The following COG4 variants were observed in gnomAD, a reference collection of about 807,000 sequenced individuals.
COG4 encodes conserved oligomeric Golgi complex subunit 4.
COG4 carries 65 observed loss-of-function variants against 95.1 expected under a neutral mutation model. The observed-to-expected ratio is 0.68, with a 90% CI of 0.56 to 0.84. The LOEUF (loss-of-function observed/expected upper bound fraction) is 0.84. Ranked by LOEUF, COG4 falls within the 40% of genes least tolerant of loss-of-function variation. The pLI is 0.00. For missense variants in COG4, 1,045 were observed against 989.1 expected (o/e 1.06, Z -0.76); for synonymous variants, 421 against 374.8 (o/e 1.12, Z -1.42).
chr16:70,494,244 C>T (rs1003861812), intron 12 of COG4, among the ~76,000 whole-genome samples: 2 of 152,206 alleles, frequency 1.3e-5, no homozygotes, highest in African/African-American at 4.8e-5. Context: ...CCAAGAATAA[C>T]TGTCATGAGG....
intron 13 of COG4, among the ~76,000 whole-genome samples, chr16:70,489,841 T>A (rs1307927920): frequency 6.6e-6 from 1 of 151,614 alleles, no homozygotes; most frequent in Admixed American, 6.6e-5. Context: ...TATTTTGAGA[T>A]AGAGTCTGCT....
chr16:70,502,265 A>G (rs1348966650), intron 8 of COG4, among the ~76,000 whole-genome samples: 1 of 112,274 alleles, frequency 8.9e-6, no homozygotes, highest in Non-Finnish European at 1.7e-5. Flanking sequence ...CTGGAGACAC[A>G]GCAAGACTCC....
intron 2 of COG4, 89 bp from the exon 3 acceptor site, chr16:70,517,829 C>T: frequency 1.2e-6 from 1 of 801,882 alleles, no homozygotes; most frequent in East Asian, 2.5e-5. Context: ...ATGTCTTCTA[C>T]TTCTTTCATA....
intron 9 of COG4, among the ~76,000 whole-genome samples, chr16:70,499,683 CAG>C (rs1404650972): frequency 3.9e-5 from 6 of 152,220 alleles, no homozygotes; most frequent in African/African-American, 4.8e-5. Context: ...ATTTTTGAGA[CAG>C]AGTCTCGCTT....
At chr16:70,508,754 T>G (rs1287818287) in intron 7 of COG4, 6 of 608,220 alleles carry the variant, frequency 9.9e-6, no homozygotes, top group African/African-American at 1.8e-5. Flanking sequence ...GAAATACAAT[T>G]GTATGAGGCC....
intron 13 of COG4, among the ~76,000 whole-genome samples, chr16:70,487,303 A>T (rs529421340): frequency 2.0e-4 from 31 of 151,764 alleles, no homozygotes; most frequent in African/African-American, 6.8e-4. Flanking sequence ...AAATAAAAAA[A>T]AAAAAAGACA....
chr16:70,507,135 G>T (rs2049595082), intron 8 of COG4, among the ~76,000 whole-genome samples: 1 of 152,140 alleles, frequency 6.6e-6, no homozygotes, highest in East Asian at 1.9e-4. Context: ...CTACTCGGGA[G>T]GCCGAGGTGG....
At chr16:70,491,824 CAAAAAAAAAAA>C (rs772831502) in intron 12 of COG4, among the ~76,000 whole-genome samples, 2 of 59,346 alleles carry the variant, frequency 3.4e-5, no homozygotes, top group South Asian at 7.8e-4. Context: ...AACTACGTCT[CAAAAAAAAAAA>C]AAAAAAAAAA....
Position 70,482,757 on chromosome 16 carries a change from A to G in COG4, c.1892T>C (p.Phe631Ser), listed in dbSNP as rs2049025034. The change falls in exon 15 of 19, where the codon TTT (phenylalanine) becomes TCT (serine). Residue 631 changes from phenylalanine to serine, a missense_variant. By Grantham distance (155) the Phe-to-Ser change is radical. Coordinates refer to ENST00000323786, the MANE Select transcript of COG4 (RefSeq NM_015386.3). The part of the protein sequence containing the change: ...KPQVQPWINS[F>S]FSVSHNIEEE... Reference sequence around the variant, plus strand: ...CTCGATGTTGTGGGAGACGGAGAAAAAGCTGTTGATCCAAGGCTGCACCTG... The same window carrying G: ...CTCGATGTTGTGGGAGACGGAGAAAGAGCTGTTGATCCAAGGCTGCACCTG... 1 of 1,613,616 alleles carries G rather than the reference A, an allele frequency of 6.2e-7. No homozygotes were observed. Among genetic ancestry groups the G allele is most frequent in the South Asian group, 1.1e-5 (1 of 91,064 alleles).
chr16:70,484,658 T>C (rs2049091027), intron 13 of COG4, among the ~76,000 whole-genome samples: 1 of 152,160 alleles, frequency 6.6e-6, no homozygotes, highest in African/African-American at 2.4e-5. Context: ...TCTAGCACTT[T>C]GGGAGGCCAA....
chr16:70,508,303 TATTTTAAAAACATAGACC>T, intron 8 of COG4, 85 bp downstream of exon 8: 1 of 958,134 alleles, frequency 1.0e-6, no homozygotes, highest in South Asian at 1.3e-5. Context: ...ATTGATAAAA[TATTTTAAAAACATAGACC>T]ACATTGTAAC....
chr16:70,497,190 G>A (rs2049356723), intron 11 of COG4, 31 bp downstream of exon 11: 1 of 1,606,496 alleles, frequency 6.2e-7, no homozygotes, highest in South Asian at 1.1e-5. Context: ...GGGCCTTTCT[G>A]CCTAGAAAGG....
chr16:70,499,666 T>C (rs1295200557), intron 9 of COG4, among the ~76,000 whole-genome samples: 1 of 152,160 alleles, frequency 6.6e-6, no homozygotes, highest in Non-Finnish European at 1.5e-5. Context: ...TTTTAAACAA[T>C]TTATTTATTT....
chr16:70,514,325 G>C lies in COG4; in HGVS notation c.544+10C>G, dbSNP rs368963233. 4 of 1,613,934 alleles carry C rather than the reference G, an allele frequency of 2.5e-6. No homozygotes were observed. Among genetic ancestry groups the C allele is most frequent in the Admixed American group, 3.3e-5 (2 of 60,004 alleles). ...AACTAAACTAAAAACCAACAGTTTC[G>C]GATGCTGACCCTCTTTGCCCTGTCG... On this transcript the variant is annotated intron_variant, in intron 4 of 18. Coordinates refer to ENST00000323786, the MANE Select transcript of COG4 (RefSeq NM_015386.3).
At chr16:70,482,008 A>G in intron 16 of COG4, 84 bp downstream of exon 16, 1 of 1,383,886 alleles carries the variant, frequency 7.2e-7, no homozygotes, top group Non-Finnish European at 1.0e-6. Flanking sequence ...GGGTCCCCAG[A>G]AGGAATGTGA....
chr16:70,492,182 A>G (rs868005593), intron 12 of COG4, among the ~76,000 whole-genome samples: 58 of 152,294 alleles, frequency 3.8e-4, no homozygotes, highest in African/African-American at 1.3e-3. Flanking sequence ...AGGGCATGGA[A>G]GCTCCATACC....
chr16:70,490,530 C>T (rs1451738627), intron 12 of COG4, 138 bp from the exon 13 acceptor site: 12 of 741,522 alleles, frequency 1.6e-5, no homozygotes, highest in Middle Eastern at 6.3e-4. Flanking sequence ...CTAATGAAAA[C>T]CCACACTGCT....
chr16:70,523,448 G>T lies in COG4; in HGVS notation c.96C>A (p.Ile32=), dbSNP rs1252048414. The part of the protein sequence containing the change: ...EGVGGGRCSE[I]SAELIRSLTE... ...TCAGGGAGCGAATGAGCTCAGCGGA[G>T]ATTTCGGAGCAGCGGCCACCTCCCA... Residue 32 remains isoleucine, a synonymous_variant, in exon 1 of 19, where the codon ATC becomes ATA. Coordinates refer to ENST00000323786, the MANE Select transcript of COG4 (RefSeq NM_015386.3). 3 of 1,614,158 alleles carry T rather than the reference G, an allele frequency of 1.9e-6. No individual in the cohort carries two copies. In the Admixed American group the frequency reaches 5.0e-5, roughly 27 times the overall value.
At chr16:70,519,602 AC>A in intron 2 of COG4, 46 bp downstream of exon 2, 1 of 1,401,876 alleles carries the variant, frequency 7.1e-7, no homozygotes, top group East Asian at 2.3e-5. Context: ...TGTCCAATTG[AC>A]CCTGTTGGAA....
Sources: gnomAD v4.1 joint callset for allele counts (sites outside exome capture counted in the v4.1 genomes callset) on GRCh38, gnomAD v4.1.1 for gene constraint, MANE v1.5 for transcripts, NCBI Gene and HGNC (gene_info 2026-07-23, HGNC 2026-07-21) for gene names.